The following TMLHE variants were observed in gnomAD, a reference collection of about 807,000 sequenced individuals.
The protein encoded by TMLHE is trimethyllysine dioxygenase, mitochondrial.
TMLHE carries 18 observed loss-of-function variants against 25.7 expected under a neutral mutation model. The observed-to-expected ratio is 0.70, with a 90% CI of 0.48 to 1.04. The LOEUF is 1.04. Among genes scored for constraint, TMLHE ranks in the 50% least tolerant of loss-of-function variants. The probability of loss-of-function intolerance (pLI) is 0.00; values close to 1 mark genes in which losing one functional copy is unlikely to be tolerated. For missense variants in TMLHE, 236 were observed against 259.0 expected (o/e 0.91, Z 0.61); for synonymous variants, 105 against 97.0 (o/e 1.08, Z -0.49).
At chrX:155,532,622 C>T (rs1447907312) in intron 2 of TMLHE, among the ~76,000 whole-genome samples, 1 of 108,895 alleles carries the variant, frequency 9.2e-6, no homozygotes, top group East Asian at 2.9e-4. Context: ...TGGTGCCCTA[C>T]AGTTGGAGTT....
At chrX:155,567,900 G>A (rs1446966580) in intron 1 of TMLHE, among the ~76,000 whole-genome samples, 1 of 61,908 alleles carries the variant, frequency 1.6e-5, no homozygotes, top group Non-Finnish European at 4.5e-5. Flanking sequence ...AGCTCCCAGC[G>A]TGAGCAACGC....
At chrX:155,531,241 G>A (rs2067247690) in intron 2 of TMLHE, among the ~76,000 whole-genome samples, 1 of 112,037 alleles carries the variant, frequency 8.9e-6, no homozygotes, top group African/African-American at 3.2e-5. Context: ...CATCATTATA[G>A]AGAAATACCT....
intron 2 of TMLHE, among the ~76,000 whole-genome samples, chrX:155,536,611 G>T (rs1236155952): frequency 9.0e-6 from 1 of 111,399 alleles, no homozygotes; most frequent in East Asian, 2.8e-4. Context: ...GAAATCACAG[G>T]AGAAATTAAT....
chrX:155,597,438 C>T (rs1042371203), intron 1 of TMLHE, among the ~76,000 whole-genome samples: 2 of 111,290 alleles, frequency 1.8e-5, no homozygotes, highest in Non-Finnish European at 3.8e-5. Flanking sequence ...GTCAGTGTGG[C>T]GATTCCTCAG....
At chrX:155,608,279 G>A (rs781812230) in intron 1 of TMLHE, among the ~76,000 whole-genome samples, 2 of 111,459 alleles carry the variant, frequency 1.8e-5, no homozygotes, top group African/African-American at 3.3e-5. Context: ...GATCTTTGAC[G>A]CTGATGAAAA....
At chrX:155,510,414 A>C (rs1207204379) in intron 5 of TMLHE, among the ~76,000 whole-genome samples, 27 of 54,057 alleles carry the variant, frequency 5.0e-4, no homozygotes, top group Non-Finnish European at 6.3e-4. Flanking sequence ...CCCACCCCAC[A>C]ACAGTCCCCA....
intron 3 of TMLHE, among the ~76,000 whole-genome samples, chrX:155,522,349 A>G (rs782054344): frequency 8.9e-6 from 1 of 111,876 alleles, no homozygotes; most frequent in Non-Finnish European, 1.9e-5. Context: ...TTATATAACC[A>G]CACTACAATA....
chrX:155,510,226 G>A (rs1209057012), intron 5 of TMLHE, among the ~76,000 whole-genome samples: 1 of 62,287 alleles, frequency 1.6e-5, no homozygotes, highest in Non-Finnish European at 3.7e-5. Context: ...AGTAAGATGA[G>A]TTTTCTTTTT....
chrX:155,555,576 G>A (rs1557340667), intron 1 of TMLHE, among the ~76,000 whole-genome samples: 1 of 110,936 alleles, frequency 9.0e-6, no homozygotes, highest in East Asian at 2.8e-4. Flanking sequence ...CATTCTAACT[G>A]GCGTGAGATG....
Position 155,599,909 on chromosome X carries a change from G to A in TMLHE, c.-2+12883C>T, listed in dbSNP as rs782656699. On this transcript the variant is annotated intron_variant, in intron 1 of 7. Coordinates refer to ENST00000334398, the MANE Select transcript of TMLHE (RefSeq NM_018196.4). Reference sequence around the variant, plus strand: ...TGGAGGGGAATTATTGACATTTAGTGGCATCAGAGATATTAGGCATCCTGA... The same window carrying A: ...TGGAGGGGAATTATTGACATTTAGTAGCATCAGAGATATTAGGCATCCTGA... Among the ~76,000 whole-genome samples the A allele has an allele frequency of 3.6e-5, 4 of 111,298 alleles. No homozygotes were observed. In the East Asian group the frequency reaches 1.1e-3, roughly 31 times the overall value.
At chrX:155,538,673 C>T (rs912170582) in intron 2 of TMLHE, among the ~76,000 whole-genome samples, 1 of 111,674 alleles carries the variant, frequency 9.0e-6, no homozygotes, top group African/African-American at 3.3e-5. Flanking sequence ...CACTTACCTG[C>T]ATCTGTGCCC....
In TMLHE at chrX:155,553,894, GT is replaced by G. The variant is rs781887173; in HGVS notation, c.-1-8618del. 2.7e-5 allele frequency among the ~76,000 whole-genome samples: 3 copies of G among 110,546 alleles called. No individual in the cohort carries two copies. The South Asian group carries it at 1.1e-3, about 42-fold the overall frequency. On this transcript the variant is annotated intron_variant, in intron 1 of 7. Transcript: ENST00000334398. ...GTGTAGCACAAATTAGAGGGTTTAT[GT>G]TAACTCCATTTATCTTCCTCCCTCA...
intron 1 of TMLHE, among the ~76,000 whole-genome samples, chrX:155,556,546 T>C (rs2067456971): frequency 9.1e-6 from 1 of 109,665 alleles, no homozygotes; most frequent in African/African-American, 3.3e-5. Context: ...AGGGAGTATA[T>C]GACTACGTGT....
intron 1 of TMLHE, among the ~76,000 whole-genome samples, chrX:155,550,141 G>T (rs1321251088): frequency 9.0e-6 from 1 of 110,629 alleles, no homozygotes; most frequent in Non-Finnish European, 1.9e-5. Context: ...CATTTCGGTT[G>T]TTTCCAAGTC....
At chrX:155,590,824 A>C (rs1478330317) in intron 1 of TMLHE, among the ~76,000 whole-genome samples, 1 of 111,875 alleles carries the variant, frequency 8.9e-6, no homozygotes, top group African/African-American at 3.2e-5. Context: ...GAAAAATAGT[A>C]AACTGGCAGG....
At chrX:155,581,837 T>A (rs2067630694) in intron 1 of TMLHE, among the ~76,000 whole-genome samples, 1 of 111,916 alleles carries the variant, frequency 8.9e-6, no homozygotes, top group Non-Finnish European at 1.9e-5. Context: ...AAAGTCCATA[T>A]GGAACCAAAA....
rs1295346705 is a variant in TMLHE, at chrX:155,566,747, A to G, written c.-1-21470T>C. Among the ~76,000 whole-genome samples the G allele has an allele frequency of 3.2e-5, 2 of 61,666 alleles. 1 individual carries two copies. Among genetic ancestry groups the G allele is most frequent in the African/African-American group, 7.2e-5 (2 of 27,813 alleles). The allele number at this position is 61,666 out of a possible 115,157, so 53.5% of individuals were successfully genotyped here. ...ACACTAACCTACTCAGGAGATGTCAATGGTCCTGTTCATGGTGTTGCTCAT... is the reference window on the plus strand; with the variant it reads ...ACACTAACCTACTCAGGAGATGTCAGTGGTCCTGTTCATGGTGTTGCTCAT... On this transcript the variant is annotated intron_variant, in intron 1 of 7. Coordinates refer to ENST00000334398, the MANE Select transcript of TMLHE (RefSeq NM_018196.4).
At chrX:155,547,428 C>T (rs192741092) in intron 1 of TMLHE, among the ~76,000 whole-genome samples, 185 of 111,906 alleles carry the variant, frequency 1.7e-3, no homozygotes, top group Non-Finnish European at 1.7e-3. Context: ...CAGGCGTGAG[C>T]CACCACGACC....
intron 1 of TMLHE, among the ~76,000 whole-genome samples, chrX:155,546,492 T>C (rs1214791141): frequency 9.0e-6 from 1 of 111,160 alleles, no homozygotes; most frequent in Admixed American, 9.6e-5. Context: ...AAAATGCTTA[T>C]GTTGAGTGGA....
Sources: allele counts gnomAD v4.1 joint callset (sites outside exome capture counted in the v4.1 genomes callset), GRCh38; gene constraint gnomAD v4.1.1; transcripts MANE v1.5; gene names NCBI Gene and HGNC (gene_info 2026-07-23, HGNC 2026-07-21).